SLC4A5: variants seen among roughly 807,000 people sequenced by gnomAD.
The protein encoded by SLC4A5 is electrogenic sodium bicarbonate cotransporter 4.
A neutral mutation model predicts 120.4 loss-of-function variants in SLC4A5; 96 were observed. That is an observed-to-expected ratio of 0.80 (90% CI 0.68 to 0.94). SLC4A5 has a LOEUF of 0.94. Among genes scored for constraint, SLC4A5 ranks in the 40% least tolerant of loss-of-function variants. SLC4A5 has a pLI of 0.00. For synonymous variants in SLC4A5, 550 were observed against 571.1 expected (o/e 0.96, Z 0.53); for missense variants, 1,259 against 1,459.5 (o/e 0.86, Z 2.24).
At chr2:74,230,367 T>C (rs966608655) in intron 25 of SLC4A5, among the ~76,000 whole-genome samples, 8 of 152,100 alleles carry the variant, frequency 5.3e-5, no homozygotes, top group South Asian at 4.1e-4. Context: ...CCTGCCTCCA[T>C]TGTACCCCTA....
intron 8 of SLC4A5, among the ~76,000 whole-genome samples, chr2:74,271,329 G>C (rs1016231484): frequency 6.6e-6 from 1 of 152,084 alleles, no homozygotes; most frequent in Non-Finnish European, 1.5e-5. Context: ...ACTGTTCTAG[G>C]ACAGTGATTC....
At chr2:74,337,203 A>G (rs566022614) in intron 3 of SLC4A5, among the ~76,000 whole-genome samples, 11 of 152,120 alleles carry the variant, frequency 7.2e-5, no homozygotes, top group Non-Finnish European at 1.6e-4. Context: ...AGAGCAGGGA[A>G]CAGAACAGCT....
chr2:74,339,968 T>TAG (rs1281279257), intron 2 of SLC4A5, among the ~76,000 whole-genome samples: 1 of 152,202 alleles, frequency 6.6e-6, no homozygotes, highest in Non-Finnish European at 1.5e-5. Context: ...AGTCCACTTA[T>TAG]AGAGGTACCT....
intron 5 of SLC4A5, among the ~76,000 whole-genome samples, chr2:74,325,883 GGGGAAGGGGAA>G (rs1249486769): frequency 7.7e-4 from 115 of 149,422 alleles, no homozygotes; most frequent in Middle Eastern, 6.9e-3. Flanking sequence ...GAAAGGGGAA[GGGGAAGGGGAA>G]GGGAAGGGGA....
At chr2:74,261,766 G>T (rs184135625) in intron 11 of SLC4A5, among the ~76,000 whole-genome samples, 115 of 152,304 alleles carry the variant, frequency 7.6e-4, no homozygotes, top group African/African-American at 2.6e-3. Context: ...TGAACTGAAG[G>T]AAAGGACCTT....
At chr2:74,241,277 T>G (rs1171148790) in intron 20 of SLC4A5, among the ~76,000 whole-genome samples, 2 of 149,946 alleles carry the variant, frequency 1.3e-5, no homozygotes, top group Non-Finnish European at 3.0e-5. Flanking sequence ...TTATTATTAT[T>G]ATTATTGAGA....
At chr2:74,253,247 A>C in intron 14 of SLC4A5, 119 bp from the exon 15 acceptor site, 2 of 1,234,232 alleles carry the variant, frequency 1.6e-6, no homozygotes, top group Non-Finnish European at 2.3e-6. Flanking sequence ...CTGCCAACTC[A>C]CTCTCAGTTT....
At chr2:74,221,379 G>T in intron 30 of SLC4A5, 55 bp downstream of exon 30, 1 of 1,374,834 alleles carries the variant, frequency 7.3e-7, no homozygotes, top group Non-Finnish European at 1.0e-6. Context: ...CCACCTTCCC[G>T]GCCATTTCCT....
At chr2:74,312,098 CTTCT>C (rs1255436093) in intron 6 of SLC4A5, among the ~76,000 whole-genome samples, 1 of 152,102 alleles carries the variant, frequency 6.6e-6, no homozygotes, top group Non-Finnish European at 1.5e-5. Flanking sequence ...GCTCTTAATT[CTTCT>C]TTGTCTGAAA....
chr2:74,293,699 C>T (rs1260160753), intron 7 of SLC4A5, among the ~76,000 whole-genome samples: 1 of 152,172 alleles, frequency 6.6e-6, no homozygotes, highest in Non-Finnish European at 1.5e-5. Flanking sequence ...GTGAGAAACT[C>T]CTTTGTTCTT....
At chr2:74,320,198 A>C (rs1673061756) in intron 5 of SLC4A5, among the ~76,000 whole-genome samples, 1 of 152,146 alleles carries the variant, frequency 6.6e-6, no homozygotes, top group Non-Finnish European at 1.5e-5. Flanking sequence ...GGAGTTCCCA[A>C]AAGAGAGATA....
chr2:74,280,216 TC>T (rs1671769269), intron 8 of SLC4A5, among the ~76,000 whole-genome samples: 1 of 151,996 alleles, frequency 6.6e-6, no homozygotes, highest in Non-Finnish European at 1.5e-5. Context: ...TTTGCCCTAT[TC>T]CAGAGGCCTC....
At chr2:74,218,254 T>G (rs551982282) in exon 31 of SLC4A5, 1 of 151,986 alleles carries the variant, frequency 6.6e-6, no homozygotes, top group African/African-American at 2.4e-5. Context: ...TTTGAGAACA[T>G]CTATATTTAA....
intron 4 of SLC4A5, among the ~76,000 whole-genome samples, chr2:74,332,522 T>C (rs1175834230): frequency 6.6e-6 from 1 of 152,206 alleles, no homozygotes; most frequent in Non-Finnish European, 1.5e-5. Flanking sequence ...AATGAATCCT[T>C]TCCTCTCTTC....
intron 6 of SLC4A5, among the ~76,000 whole-genome samples, chr2:74,312,791 A>T (rs1194300689): frequency 1.3e-5 from 2 of 152,012 alleles, no homozygotes; most frequent in African/African-American, 4.8e-5. Context: ...AAAATAAACC[A>T]GCGTGGTGGT....
intron 6 of SLC4A5, among the ~76,000 whole-genome samples, chr2:74,313,114 G>A (rs1475705490): frequency 2.1e-5 from 3 of 144,314 alleles, no homozygotes; most frequent in African/African-American, 7.8e-5. Flanking sequence ...CAAACTCCTA[G>A]CCTCAAACAA....
chr2:74,295,743 C>T (rs532085298), intron 7 of SLC4A5, among the ~76,000 whole-genome samples: 3 of 152,202 alleles, frequency 2.0e-5, no homozygotes, highest in Non-Finnish European at 4.4e-5. Context: ...TGCTGCTCAC[C>T]TATGTGCCTT....
intron 2 of SLC4A5, chr2:74,339,394 A>T (rs1051268951): frequency 6.6e-6 from 1 of 152,228 alleles, no homozygotes; most frequent in Non-Finnish European, 1.5e-5. Context: ...CTTAAAATAA[A>T]AGTTGAAGAA....
At chr2:74,236,630 T>C (rs141532149) in intron 21 of SLC4A5, among the ~76,000 whole-genome samples, 417 of 152,362 alleles carry the variant, frequency 2.7e-3, no homozygotes, top group African/African-American at 8.9e-3. Flanking sequence ...CATATAAATA[T>C]TAGTCACAGC....
Sources: gnomAD v4.1 joint callset for allele counts (sites outside exome capture counted in the v4.1 genomes callset) on GRCh38, gnomAD v4.1.1 for gene constraint, MANE v1.5 for transcripts, NCBI Gene and HGNC (gene_info 2026-07-23, HGNC 2026-07-21) for gene names.